Variants in HM13 observed in about 807,000 individuals in gnomAD.
HM13 encodes the protein signal peptide peptidase.
A neutral mutation model predicts 50.0 loss-of-function variants in HM13; 18 were observed. The observed-to-expected ratio is 0.36, with a 90% CI of 0.25 to 0.53. The LOEUF is 0.53. Ranked by LOEUF, HM13 falls within the 20% of genes least tolerant of loss-of-function variation. HM13 has a pLI of 0.90. For synonymous variants in HM13, 197 were observed against 232.6 expected, an observed-to-expected ratio of 0.85 and a Z score of 1.39; for missense variants, 393 against 552.4, an observed-to-expected ratio of 0.71 and a Z score of 2.89.
intron 1 of HM13, among the ~76,000 whole-genome samples, chr20:31,515,416 G>T (rs987403355): frequency 2.0e-5 from 3 of 152,194 alleles, no homozygotes; most frequent in Non-Finnish European, 4.4e-5. Context: ...TTCCAACTAG[G>T]CATGGACGTC....
rs182196419 is a variant in HM13, at chr20:31,523,914, G to A, written c.184-3570G>A. 8.5e-5 allele frequency among the ~76,000 whole-genome samples: 13 copies of A among 152,286 alleles called. No homozygotes were observed. The East Asian group carries it at 2.5e-3, about 29-fold the overall frequency. On this transcript the variant is annotated intron_variant, in intron 1 of 12. Coordinates refer to ENST00000398174, the MANE Select transcript of HM13 (RefSeq NM_178581.3). ...GAGCTGCCTCCAGTGGCTCCAGAGGGGAGGGTCTCCCTTCCAGCCCAGAGC... is the reference window on the plus strand; with the variant it reads ...GAGCTGCCTCCAGTGGCTCCAGAGGAGAGGGTCTCCCTTCCAGCCCAGAGC...
At position 31,566,205 on chromosome 20, in the gene HM13, C is replaced by G. The variant is rs780826028; in HGVS notation, c.949-5C>G. 6.2e-7 allele frequency: 1 copy of G among 1,613,296 alleles called. No individual in the cohort carries two copies. The highest frequency in any genetic ancestry group is 8.5e-7 in the Non-Finnish European group (1 of 1,179,494). On this transcript the variant is annotated splice_polypyrimidine_tract_variant and splice_region_variant and intron_variant, in intron 10 of 12. Coordinates refer to ENST00000398174, the MANE Select transcript of HM13 (RefSeq NM_178581.3). ...ATGGCTTCACCAGCCTGTGTCCTCTCATAGCCTGCCCTCCTATACCTGGTC... is the reference window on the plus strand; with the variant it reads ...ATGGCTTCACCAGCCTGTGTCCTCTGATAGCCTGCCCTCCTATACCTGGTC...
chr20:31,552,977 ATATATATG>A (rs905672070), intron 7 of HM13, among the ~76,000 whole-genome samples: 4 of 152,044 alleles, frequency 2.6e-5, no homozygotes, highest in African/African-American at 4.8e-5. Flanking sequence ...TCCGTCTCAA[ATATATATG>A]TATATATGTA....
chr20:31,536,100 C>T (rs141362200), intron 2 of HM13, among the ~76,000 whole-genome samples: 2 of 152,274 alleles, frequency 1.3e-5, no homozygotes, highest in East Asian at 1.9e-4. Flanking sequence ...CGGTGGGTCA[C>T]GCCTGTAATC....
Position 31,550,046 on chromosome 20 carries a change from C to T in HM13, c.667-18C>T, listed in dbSNP as rs1983948367. The stretch of plus-strand genomic sequence containing the variant: ...GCCCCTCACTTCCCTTCATACTGCT[C>T]TTTTTTTCTCCTTCTAGGTATTTGG... On this transcript the variant is annotated intron_variant, in intron 6 of 12. Coordinates refer to ENST00000398174, the MANE Select transcript of HM13 (RefSeq NM_178581.3). 6.2e-7 allele frequency: 1 copy of T among 1,607,814 alleles called. No individual in the cohort carries two copies.
intron 7 of HM13, 26 bp downstream of exon 7, chr20:31,550,147 A>C: frequency 6.3e-7 from 1 of 1,598,870 alleles, no homozygotes; most frequent in Admixed American, 1.7e-5. Flanking sequence ...GCCACAGGGA[A>C]CCCCTTCCCC....
rs1600677200 is a variant in HM13 at position 31,568,386 on chromosome 20, A to G, written c.1181+162A>G. On this transcript the variant is annotated intron_variant, in intron 12 of 12. Coordinates refer to ENST00000398174, the MANE Select transcript of HM13 (RefSeq NM_178581.3). ...CACCAGGCAGTGGTTGCACCGAGCC[A>G]TAGGGCTGGGAAGCAGGACAACCCC... The G allele has an allele frequency of 8.4e-6, 9 of 1,069,472 alleles. No homozygotes were observed. The South Asian group carries it at 1.4e-4, about 17-fold the overall frequency. The allele number at this position is 1,069,472 out of a possible 1,614,324, so 66.2% of individuals were successfully genotyped here.
intron 5 of HM13, 29 bp downstream of exon 5, chr20:31,549,143 G>A (rs915864188): frequency 3.7e-6 from 6 of 1,613,928 alleles, no homozygotes; most frequent in Non-Finnish European, 5.1e-6. Flanking sequence ...GGCAGAAGGG[G>A]AGGATGGGGT....
At chr20:31,552,656 G>A (rs886306561) in intron 7 of HM13, among the ~76,000 whole-genome samples, 1 of 152,168 alleles carries the variant, frequency 6.6e-6, no homozygotes. Flanking sequence ...CTTGCTGACC[G>A]TGTGGCCTTG....
At chr20:31,559,874 G>T (rs1157938815) in intron 9 of HM13, among the ~76,000 whole-genome samples, 1 of 152,198 alleles carries the variant, frequency 6.6e-6, no homozygotes, top group East Asian at 1.9e-4. Flanking sequence ...AACCCACAAG[G>T]GCCTGGTGGT....
At position 31,554,839 on chromosome 20, in the gene HM13, C is replaced by A; in HGVS notation, c.808+10C>A. The A allele has an allele frequency of 6.2e-7, 1 of 1,611,068 alleles. No individual in the cohort carries two copies. The highest frequency in any genetic ancestry group is 8.5e-7 in the Non-Finnish European group (1 of 1,177,228). Reference sequence around the variant, plus strand: ...GATGTCGTCATTCCAGGTGAGCCTGCTGGTGTGGGGGCTATGTGAAAGGGG... The same window carrying A: ...GATGTCGTCATTCCAGGTGAGCCTGATGGTGTGGGGGCTATGTGAAAGGGG... On this transcript the variant is annotated intron_variant, in intron 8 of 12. Coordinates refer to ENST00000398174, the MANE Select transcript of HM13 (RefSeq NM_178581.3).
intron 2 of HM13, among the ~76,000 whole-genome samples, chr20:31,533,703 TTC>T (rs780681771): frequency 1.4e-4 from 21 of 152,308 alleles, no homozygotes; most frequent in Non-Finnish European, 2.8e-4. Context: ...GCTTGTGTCT[TTC>T]ACCCTGAGCC....
chr20:31,547,858 C>T (rs369427020), intron 4 of HM13: 2 of 967,796 alleles, frequency 2.1e-6, no homozygotes, highest in South Asian at 1.3e-5. Flanking sequence ...TTTAACTTCT[C>T]CTGGAGCTAA....
intron 8 of HM13, among the ~76,000 whole-genome samples, chr20:31,558,904 T>A (rs1984459076): frequency 6.6e-6 from 1 of 150,884 alleles, no homozygotes; most frequent in Admixed American, 6.6e-5. Context: ...TTGCTTTTGT[T>A]TTTTGTTGTT....
At chr20:31,530,280 G>A (rs1004800668) in intron 2 of HM13, among the ~76,000 whole-genome samples, 1 of 151,914 alleles carries the variant, frequency 6.6e-6, no homozygotes, top group African/African-American at 2.4e-5. Context: ...CCCCAATACA[G>A]TTTCCTGTGA....
At chr20:31,544,716 G>T (rs555491622) in intron 3 of HM13, among the ~76,000 whole-genome samples, 1 of 152,340 alleles carries the variant, frequency 6.6e-6, no homozygotes, top group Non-Finnish European at 1.5e-5. Flanking sequence ...AAATCACTAT[G>T]AGTGCAAAAA....
intron 3 of HM13, among the ~76,000 whole-genome samples, chr20:31,544,286 C>T (rs1239776146): frequency 6.6e-6 from 1 of 152,234 alleles, no homozygotes; most frequent in Non-Finnish European, 1.5e-5. Context: ...GAAAAGGTCT[C>T]TGCTTCCTTC....
intron 7 of HM13, among the ~76,000 whole-genome samples, chr20:31,554,411 G>A (rs1185582811): frequency 4.6e-5 from 7 of 151,804 alleles, no homozygotes; most frequent in East Asian, 3.9e-4. Flanking sequence ...GGCCGGGAGC[G>A]GTGGCTCACG....
At position 31,532,506 on chromosome 20, in the gene HM13, C is replaced by T. The variant is rs188437507; in HGVS notation, c.282+4924C>T. 3.1e-3 allele frequency among the ~76,000 whole-genome samples: 479 copies of T among 152,294 alleles called. 1 individual carries two copies. The highest frequency in any genetic ancestry group is 5.0e-3 in the Non-Finnish European group (337 of 68,030). ...CCATCCTTGGTCCATGCCAGGCCCCCCTACTTTTTTTTTTTTCCCACTTCA... is the reference window on the plus strand; with the variant it reads ...CCATCCTTGGTCCATGCCAGGCCCCTCTACTTTTTTTTTTTTCCCACTTCA... On this transcript the variant is annotated intron_variant, in intron 2 of 12. Transcript: ENST00000398174.
Sources: gnomAD v4.1 joint callset for allele counts (sites outside exome capture counted in the v4.1 genomes callset) on GRCh38, gnomAD v4.1.1 for gene constraint, MANE v1.5 for transcripts, NCBI Gene and HGNC (gene_info 2026-07-23, HGNC 2026-07-21) for gene names.